AKAP19: variants seen among roughly 807,000 people sequenced by gnomAD.
The protein encoded by AKAP19 is A-kinase anchoring protein 19.
the AKAP19 span, among the ~76,000 whole-genome samples, chr2:190,014,624 C>T: frequency 6.6e-6 from 1 of 152,058 alleles, no homozygotes; most frequent in African/African-American, 2.4e-5. Context: ...CCTGCCTTTC[C>T]AACAGTCCTC....
the AKAP19 span, among the ~76,000 whole-genome samples, chr2:190,101,155 G>A: frequency 3.5e-4 from 54 of 152,296 alleles, no homozygotes; most frequent in African/African-American, 1.2e-3. Flanking sequence ...GTGTGGCCAC[G>A]CAGACATGTT....
chr2:189,934,747 A>G, the AKAP19 span, among the ~76,000 whole-genome samples: 1 of 151,600 alleles, frequency 6.6e-6, no homozygotes, highest in South Asian at 2.1e-4. Flanking sequence ...TTTAGAATAT[A>G]AAAGATTATA....
chr2:190,030,840 C>G, the AKAP19 span, among the ~76,000 whole-genome samples: 4 of 152,180 alleles, frequency 2.6e-5, no homozygotes, highest in Admixed American at 2.6e-4. Context: ...TCTTACCCAT[C>G]ATATAGGCAA....
chr2:189,966,196 T>G, the AKAP19 span, among the ~76,000 whole-genome samples: 2 of 136,188 alleles, frequency 1.5e-5, no homozygotes, highest in Non-Finnish European at 1.6e-5. Flanking sequence ...GGGGAAAGGG[T>G]GAGAAGGGGG....
chr2:190,036,550 T>G, the AKAP19 span, among the ~76,000 whole-genome samples: 2 of 152,238 alleles, frequency 1.3e-5, no homozygotes, highest in Non-Finnish European at 2.9e-5. Flanking sequence ...ACATTATCCT[T>G]TACCCTGGTG....
chr2:190,172,057 A>T, the AKAP19 span, among the ~76,000 whole-genome samples: 3 of 152,212 alleles, frequency 2.0e-5, no homozygotes, highest in Non-Finnish European at 4.4e-5. Flanking sequence ...CAGGTTGAAC[A>T]TGCCTTGCTA....
chr2:189,984,486 T>C, the AKAP19 span, among the ~76,000 whole-genome samples: 23,359 of 152,202 alleles, frequency 0.15, 1,870 homozygotes, highest in Middle Eastern at 0.26. Flanking sequence ...ATCCTGTTCT[T>C]TTTTCAAGGT....
the AKAP19 span, among the ~76,000 whole-genome samples, chr2:190,175,000 TTACATGGAG>T: frequency 3.1e-5 from 2 of 65,178 alleles, no homozygotes; most frequent in African/African-American, 6.4e-5. Flanking sequence ...GATACATAGA[TTACATGGAG>T]TACATAGTTC....
the AKAP19 span, among the ~76,000 whole-genome samples, chr2:190,160,812 G>T: frequency 6.6e-6 from 1 of 152,088 alleles, no homozygotes; most frequent in Non-Finnish European, 1.5e-5. Context: ...TTCCAAGACA[G>T]ATAAAGTATA....
At chr2:189,976,642 G>T in the AKAP19 span, among the ~76,000 whole-genome samples, 1 of 152,222 alleles carries the variant, frequency 6.6e-6, no homozygotes, top group African/African-American at 2.4e-5. Flanking sequence ...GAGCTTCCTG[G>T]CTGCTTTGTT....
At chr2:190,146,098 C>T in the AKAP19 span, among the ~76,000 whole-genome samples, 1 of 151,696 alleles carries the variant, frequency 6.6e-6, no homozygotes, top group Non-Finnish European at 1.5e-5. Flanking sequence ...TTGGTGCACC[C>T]ATCACCCGAG....
chr2:189,910,149 G>A, the AKAP19 span, among the ~76,000 whole-genome samples: 1 of 151,956 alleles, frequency 6.6e-6, no homozygotes, highest in Non-Finnish European at 1.5e-5. Flanking sequence ...AAACAAATGT[G>A]CAACTACAAG....
the AKAP19 span, among the ~76,000 whole-genome samples, chr2:190,161,055 A>G: frequency 1.3e-5 from 2 of 152,100 alleles, no homozygotes; most frequent in African/African-American, 2.4e-5. Flanking sequence ...AAGCTCCCCA[A>G]ATTTTTAGGG....
At chr2:190,202,187 T>C in the AKAP19 span, 50,232 of 166,852 alleles carry the variant, frequency 0.3, 9,077 homozygotes, top group African/African-American at 0.49. Context: ...GAAGTCTGAT[T>C]TCTGTTGCTG....
chr2:190,129,372 T>C, the AKAP19 span, among the ~76,000 whole-genome samples: 1 of 152,210 alleles, frequency 6.6e-6, no homozygotes, highest in South Asian at 2.1e-4. Context: ...GTGAATATCT[T>C]TGTAAAATAT....
chr2:190,009,481 G>A, the AKAP19 span, among the ~76,000 whole-genome samples: 1 of 152,190 alleles, frequency 6.6e-6, no homozygotes. Context: ...AGGAATATCT[G>A]TAAGGTTTTG....
At chr2:190,196,844 C>T in the AKAP19 span, among the ~76,000 whole-genome samples, 6 of 152,202 alleles carry the variant, frequency 3.9e-5, no homozygotes, top group African/African-American at 1.4e-4. Context: ...AACATAGACC[C>T]TATGTGTCTT....
chr2:190,138,426 C>T, the AKAP19 span, among the ~76,000 whole-genome samples: 7 of 152,262 alleles, frequency 4.6e-5, no homozygotes, highest in East Asian at 5.8e-4. Flanking sequence ...GAGTACTTCC[C>T]GATACTCCTA....
At chr2:189,987,205 G>A in the AKAP19 span, among the ~76,000 whole-genome samples, 2 of 152,262 alleles carry the variant, frequency 1.3e-5, no homozygotes, top group South Asian at 4.1e-4. Context: ...TAGTGAGTAA[G>A]TCTCACAAGA....
Sources: allele counts gnomAD v4.1 joint callset (sites outside exome capture counted in the v4.1 genomes callset), GRCh38; gene constraint gnomAD v4.1.1; transcripts MANE v1.5; gene names NCBI Gene and HGNC (gene_info 2026-07-23, HGNC 2026-07-21).